The following GPR63 variants were observed in gnomAD, a reference collection of about 807,000 sequenced individuals.
GPR63 encodes the protein G protein-coupled receptor 63, also known as probable G protein-coupled receptor 63.
GPR63 carries 12 observed loss-of-function variants against 23.1 expected under a neutral mutation model. The ratio of observed to expected loss-of-function variants is 0.52; its 90% CI spans 0.33 to 0.84. The LOEUF (loss-of-function observed/expected upper bound fraction) is 0.84, where lower values mean the gene tolerates loss of function less well. Among genes scored for constraint, GPR63 ranks in the 40% least tolerant of loss-of-function variants. The probability of loss-of-function intolerance (pLI) is 0.02; values close to 1 mark genes in which losing one functional copy is unlikely to be tolerated. For synonymous variants in GPR63, 172 were observed against 191.1 expected (o/e 0.90, Z 0.82); for missense variants, 472 against 515.6 (o/e 0.92, Z 0.82).
At chr6:96,800,606 A>G (rs759691371) in intron 1 of GPR63, among the ~76,000 whole-genome samples, 5 of 152,152 alleles carry the variant, frequency 3.3e-5, no homozygotes, top group Admixed American at 1.3e-4. Context: ...GGAGAAGAAA[A>G]ATTCTAAGAT....
At chr6:96,817,802 A>G (rs1020484569) in intron 1 of GPR63, among the ~76,000 whole-genome samples, 1 of 151,978 alleles carries the variant, frequency 6.6e-6, no homozygotes, top group Non-Finnish European at 1.5e-5. Flanking sequence ...CATCTATGTT[A>G]GTAGTTTATT....
chr6:96,809,858 T>C (rs1177989940), intron 1 of GPR63, among the ~76,000 whole-genome samples: 2 of 152,202 alleles, frequency 1.3e-5, no homozygotes, highest in African/African-American at 2.4e-5. Context: ...AAGATGCAGA[T>C]ATAAAACCAC....
chr6:96,834,562 A>T (rs1774672880), intron 1 of GPR63, among the ~76,000 whole-genome samples: 1 of 147,358 alleles, frequency 6.8e-6, no homozygotes, highest in East Asian at 2.2e-4. Context: ...CATATGTCAT[A>T]GTTGCAAAAA....
chr6:96,806,132 T>C (rs1270533044), intron 1 of GPR63, among the ~76,000 whole-genome samples: 1 of 152,212 alleles, frequency 6.6e-6, no homozygotes, highest in Non-Finnish European at 1.5e-5. Flanking sequence ...CCATAGAATG[T>C]TATGCTGTCT....
At chr6:96,820,145 AT>A (rs58577101) in intron 1 of GPR63, among the ~76,000 whole-genome samples, 47,963 of 151,820 alleles carry the variant, frequency 0.32, 7,839 homozygotes, top group African/African-American at 0.39. Flanking sequence ...TTATAAATAT[AT>A]GTTAATATTT....
rs554764476 is a variant in GPR63, at chr6:96,801,984, C to A, written c.-150-2103G>T. On this transcript the variant is annotated intron_variant, in intron 1 of 1. Transcript: ENST00000229955. ...AAGGCTGTGCTTAATTGTAAATTAACCTCAATACAAGTCTACCTCCATAGA... is the reference window on the plus strand; with the variant it reads ...AAGGCTGTGCTTAATTGTAAATTAAACTCAATACAAGTCTACCTCCATAGA... Among the ~76,000 whole-genome samples, 106 of 152,246 alleles carry A rather than the reference C, an allele frequency of 7.0e-4. 1 individual carries two copies. Among genetic ancestry groups the A allele is most frequent in the African/African-American group, 2.5e-3 (103 of 41,546 alleles).
intron 1 of GPR63, among the ~76,000 whole-genome samples, chr6:96,822,404 T>C (rs1032238604): frequency 6.6e-6 from 1 of 152,172 alleles, no homozygotes; most frequent in African/African-American, 2.4e-5. Context: ...CTAAAAATAC[T>C]TAGAATTTTA....
At chr6:96,831,245 C>G (rs973444608) in intron 1 of GPR63, among the ~76,000 whole-genome samples, 14 of 152,156 alleles carry the variant, frequency 9.2e-5, no homozygotes, top group African/African-American at 3.1e-4. Context: ...ACAGCATTCT[C>G]ATGGCACACT....
chr6:96,808,053 T>C (rs190108978), intron 1 of GPR63, among the ~76,000 whole-genome samples: 1 of 152,310 alleles, frequency 6.6e-6, no homozygotes, highest in Non-Finnish European at 1.5e-5. Context: ...CCACTAGTAC[T>C]AGAAAAACAT....
At chr6:96,827,044 T>C (rs1309418138) in intron 1 of GPR63, among the ~76,000 whole-genome samples, 1 of 90,446 alleles carries the variant, frequency 1.1e-5, no homozygotes, top group Non-Finnish European at 2.1e-5. Flanking sequence ...GTGAACACAG[T>C]CTAAAAAAAA....
chr6:96,828,562 T>TAA (rs36063508), intron 1 of GPR63, among the ~76,000 whole-genome samples: 7,632 of 114,054 alleles, frequency 0.067, 311 homozygotes, highest in African/African-American at 0.11. Context: ...ATAAAAACAG[T>TAA]AAAAAAAAAA....
rs1693647696 is a variant in GPR63 at position 96,799,768 on chromosome 6, G to A, written c.-37C>T. The A allele has an allele frequency of 6.2e-7, 1 of 1,609,060 alleles. No individual in the cohort carries two copies. Among genetic ancestry groups the A allele is most frequent in the Admixed American group, 1.7e-5 (1 of 60,004 alleles). ...GATGGAAGATGCAAGCAGAGATGCA[G>A]GAGTTCTTCAAGCATTTCAACACAG... On this transcript the variant is annotated 5_prime_UTR_variant, in exon 2 of 2. Coordinates refer to ENST00000229955, the MANE Select transcript of GPR63 (RefSeq NM_030784.4).
chr6:96,823,326 A>G (rs569703139), intron 1 of GPR63, among the ~76,000 whole-genome samples: 4 of 152,236 alleles, frequency 2.6e-5, no homozygotes, highest in African/African-American at 9.6e-5. Context: ...CCGGTGGGAC[A>G]AGCTATAGAA....
chr6:96,799,186 A>G lies in GPR63; in HGVS notation c.546T>C (p.Ile182=), dbSNP rs1261448620. The G allele has an allele frequency of 1.9e-6, 3 of 1,614,118 alleles. No individual in the cohort carries two copies. Among genetic ancestry groups the G allele is most frequent in the East Asian group, 2.2e-5 (1 of 44,884 alleles). The change falls in exon 2 of 2, where the codon ATT becomes ATC. Residue 182 remains isoleucine (I), a synonymous_variant. Transcript: ENST00000229955. ...LLIISIDRFL[I]IVQRQDKLNP... Reference sequence around the variant, plus strand: ...TTAGCTTATCCTGCCTCTGGACTATAATAAGGAACCTATCTATGCTAATGA... The same window carrying G: ...TTAGCTTATCCTGCCTCTGGACTATGATAAGGAACCTATCTATGCTAATGA...
chr6:96,836,935 A>G (rs13210817), intron 1 of GPR63, among the ~76,000 whole-genome samples: 42,648 of 151,494 alleles, frequency 0.28, 6,047 homozygotes, highest in South Asian at 0.31. Context: ...AGGAGCCGGC[A>G]TGGGGTGCCC....
intron 1 of GPR63, among the ~76,000 whole-genome samples, chr6:96,821,485 C>CA (rs11343410): frequency 3.3e-5 from 5 of 151,590 alleles, no homozygotes; most frequent in East Asian, 1.9e-4. Context: ...CTTTTCAGAA[C>CA]AAAAAAAAGG....
chr6:96,831,920 A>T (rs1397939909), intron 1 of GPR63, among the ~76,000 whole-genome samples: 3 of 151,898 alleles, frequency 2.0e-5, no homozygotes, highest in Non-Finnish European at 2.9e-5. Context: ...AAAAAATAAA[A>T]AATAAATAAA....
At chr6:96,808,427 G>A (rs548222410) in intron 1 of GPR63, among the ~76,000 whole-genome samples, 4 of 152,168 alleles carry the variant, frequency 2.6e-5, no homozygotes, top group Non-Finnish European at 5.9e-5. Context: ...AACGAGATTA[G>A]TTTTCCCATG....
At chr6:96,811,934 T>G (rs1422986595) in intron 1 of GPR63, among the ~76,000 whole-genome samples, 1 of 151,866 alleles carries the variant, frequency 6.6e-6, no homozygotes, top group Non-Finnish European at 1.5e-5. Context: ...ACTTTGCAAT[T>G]AAAATGAATA....
Sources: gnomAD v4.1 joint callset for allele counts (sites outside exome capture counted in the v4.1 genomes callset) on GRCh38, gnomAD v4.1.1 for gene constraint, MANE v1.5 for transcripts, NCBI Gene and HGNC (gene_info 2026-07-23, HGNC 2026-07-21) for gene names.